TRIT1: variants seen among roughly 807,000 people sequenced by gnomAD.
TRIT1 encodes tRNA dimethylallyltransferase.
In TRIT1, 43 loss-of-function variants were observed where a neutral mutation model predicts 51.2. The observed-to-expected ratio is 0.84, with a 90% CI of 0.66 to 1.08. The LOEUF is 1.08. Among genes scored for constraint, TRIT1 ranks in the 50% least tolerant of loss-of-function variants. The pLI, the probability that TRIT1 is intolerant of heterozygous loss-of-function variation, is 0.00. For synonymous variants in TRIT1, 184 were observed against 203.9 expected, an observed-to-expected ratio of 0.90 and a Z score of 0.83; for missense variants, 528 against 578.4, an observed-to-expected ratio of 0.91 and a Z score of 0.89.
chr1:39,883,154 G>A (rs1557595589), intron 1 of TRIT1, among the ~76,000 whole-genome samples, 164 bp downstream of exon 1: 1 of 152,186 alleles, frequency 6.6e-6, no homozygotes, highest in Non-Finnish European at 1.5e-5. Context: ...GGAAACATCT[G>A]GCACTGTGTC....
At chr1:39,861,181 C>A (rs1027853186) in intron 1 of TRIT1, among the ~76,000 whole-genome samples, 1 of 152,090 alleles carries the variant, frequency 6.6e-6, no homozygotes, top group Non-Finnish European at 1.5e-5. Flanking sequence ...AAACTGGAAC[C>A]CTTGTGCATT....
intron 1 of TRIT1, chr1:39,881,517 C>G (rs1644265817): frequency 6.6e-6 from 1 of 151,534 alleles, no homozygotes. Flanking sequence ...CACACTATGG[C>G]CATTTCACCT....
intron 1 of TRIT1, among the ~76,000 whole-genome samples, chr1:39,872,780 C>CACACACAG (rs796230029): frequency 2.4e-4 from 25 of 106,158 alleles, no homozygotes; most frequent in African/African-American, 7.1e-4. Flanking sequence ...CACACACACA[C>CACACACAG]AGAGAGAGAG....
chr1:39,839,626 T>A lies in TRIT1; in HGVS notation c.*2118A>T, dbSNP rs1652490842. Among the ~76,000 whole-genome samples the A allele has an allele frequency of 6.6e-6, 1 of 152,214 alleles. No homozygotes were observed. The highest frequency in any genetic ancestry group is 2.4e-5 in the African/African-American group (1 of 41,464). On this transcript the variant is annotated 3_prime_UTR_variant, in exon 11 of 11. Transcript: ENST00000316891. ...CCTTTCCCAGGCTCTTTGCTGCTGA[T>A]AAAGGAATTTCATTTGGCTGAATTT...
At chr1:39,881,550 T>C (rs1229751859) in intron 1 of TRIT1, 1 of 106,616 alleles carries the variant, frequency 9.4e-6, no homozygotes, top group Non-Finnish European at 1.7e-5. Flanking sequence ...TCTTCATTCA[T>C]GTTCCTTTTT....
In TRIT1 at chr1:39,848,203, C is replaced by T. The variant is rs12239482; in HGVS notation, c.704-106G>A. On this transcript the variant is annotated intron_variant, in intron 5 of 10. Coordinates refer to ENST00000316891, the MANE Select transcript of TRIT1 (RefSeq NM_017646.6). ...CACAAAAAAAGAGAATTTGTCCAAA[C>T]GGAAGAAAGAATTCAGATTCCAAAG... 5.0e-4 allele frequency: 382 copies of T among 765,766 alleles called. 4 individuals carry two copies. In the South Asian group the frequency reaches 5.8e-3, roughly 12 times the overall value. 47.4% of individuals were successfully genotyped at this position (765,766 alleles called of 1,614,324 possible). A position where few individuals can be genotyped will look rare whatever the true frequency, so the allele number is the denominator to read the frequency against.
chr1:39,848,980 A>C (rs1334350804), intron 5 of TRIT1, among the ~76,000 whole-genome samples: 1 of 152,148 alleles, frequency 6.6e-6, no homozygotes, highest in African/African-American at 2.4e-5. Context: ...GTTTTTGTTT[A>C]TAAAATTTCA....
chr1:39,846,974 GT>G, intron 8 of TRIT1: 1 of 390,130 alleles, frequency 2.6e-6, no homozygotes. Context: ...CTTCTTAGCT[GT>G]TTGCAGCCAG....
At chr1:39,859,021 G>A (rs902225768) in intron 1 of TRIT1, among the ~76,000 whole-genome samples, 1 of 152,034 alleles carries the variant, frequency 6.6e-6, no homozygotes, top group African/African-American at 2.4e-5. Context: ...GAAAGGCCAA[G>A]GCAGGCGGAT....
rs759494291 is a variant in TRIT1 at position 39,883,486 on chromosome 1, C to T, written c.6G>A (p.Ala2=). Residue 2 remains alanine (A), a synonymous_variant, in exon 1 of 11, where the codon GCG becomes GCA. Transcript: ENST00000316891. ...GAACTGCTCGTGCAGCCGCCACGGA[C>T]GCCATCTTATGGCAGTCTGCGCTTG... is the stretch of plus-strand genomic sequence containing the variant. M[A]SVAAARAVPV... is the part of the protein sequence containing the mutation. 2.5e-6 allele frequency: 4 copies of T among 1,595,338 alleles called. No homozygotes were observed. The East Asian group carries it at 9.0e-5, about 36-fold the overall frequency.
chr1:39,872,717 T>C (rs1176509891), intron 1 of TRIT1, among the ~76,000 whole-genome samples: 1 of 142,712 alleles, frequency 7.0e-6, no homozygotes, highest in Admixed American at 7.6e-5. Context: ...TGAAAGGGAC[T>C]AGAAGCATCT....
At chr1:39,883,234 G>T in intron 1 of TRIT1, 84 bp downstream of exon 1, 1 of 1,451,574 alleles carries the variant, frequency 6.9e-7, no homozygotes, top group Non-Finnish European at 9.3e-7. Flanking sequence ...CAAGCCTCGG[G>T]GTTCACCCTT....
chr1:39,866,692 CCAGG>C (rs1276679891), intron 1 of TRIT1, among the ~76,000 whole-genome samples: 1 of 152,084 alleles, frequency 6.6e-6, no homozygotes, highest in Non-Finnish European at 1.5e-5. Flanking sequence ...CAGGAGAAGG[CCAGG>C]CACAGTGGCT....
intron 1 of TRIT1, chr1:39,862,722 A>C (rs1643321909): frequency 2.1e-6 from 2 of 957,750 alleles, no homozygotes; most frequent in South Asian, 4.8e-5. Flanking sequence ...AATCAGGCTT[A>C]TTATTTTATT....
chr1:39,843,079 TC>T (rs1192758017), intron 10 of TRIT1, among the ~76,000 whole-genome samples: 3 of 152,230 alleles, frequency 2.0e-5, no homozygotes, highest in Non-Finnish European at 4.4e-5. Flanking sequence ...CTCTTTCTCT[TC>T]CCCTTTCATC....
At chr1:39,879,599 C>T (rs553058987) in intron 1 of TRIT1, among the ~76,000 whole-genome samples, 9 of 152,044 alleles carry the variant, frequency 5.9e-5, no homozygotes, top group South Asian at 4.1e-4. Context: ...CAGTGCCAGG[C>T]GCAGTGTCTC....
At chr1:39,880,738 G>A (rs915442051) in intron 1 of TRIT1, among the ~76,000 whole-genome samples, 2 of 151,732 alleles carry the variant, frequency 1.3e-5, no homozygotes, top group African/African-American at 4.8e-5. Context: ...GGCAGAGGGG[G>A]CAGTGAGCAG....
chr1:39,877,781 T>C (rs373781418), intron 1 of TRIT1, among the ~76,000 whole-genome samples: 3 of 152,310 alleles, frequency 2.0e-5, no homozygotes, highest in Admixed American at 6.5e-5. Flanking sequence ...ACAAATGAGT[T>C]AGAAGACCCA....
chr1:39,860,740 T>G (rs1397878467), intron 1 of TRIT1, among the ~76,000 whole-genome samples: 1 of 152,184 alleles, frequency 6.6e-6, no homozygotes, highest in African/African-American at 2.4e-5. Flanking sequence ...ATTTCATTAT[T>G]TGCCCTTCTT....
Sources: allele counts gnomAD v4.1 joint callset (sites outside exome capture counted in the v4.1 genomes callset), GRCh38; gene constraint gnomAD v4.1.1; transcripts MANE v1.5; gene names NCBI Gene and HGNC (gene_info 2026-07-23, HGNC 2026-07-21).